The following MACF1 variants were observed in gnomAD, a reference collection of about 807,000 sequenced individuals.
MACF1 encodes microtubule-actin cross-linking factor 1.
Under a neutral mutation model 854.8 loss-of-function variants are expected in MACF1, and 193 were observed. The ratio of observed to expected loss-of-function variants is 0.23; its 90% CI spans 0.20 to 0.25. The LOEUF (loss-of-function observed/expected upper bound fraction) is 0.25. Among genes scored for constraint, MACF1 ranks in the 10% least tolerant of loss-of-function variants. The probability of loss-of-function intolerance (pLI) is 1.00; values close to 1 mark genes in which losing one functional copy is unlikely to be tolerated. For missense variants in MACF1, 7,722 were observed against 8,929.1 expected, an observed-to-expected ratio of 0.86 and a Z score of 5.45; for synonymous variants, 3,185 against 3,226.7, an observed-to-expected ratio of 0.99 and a Z score of 0.44.
intron 2 of MACF1, among the ~76,000 whole-genome samples, chr1:39,176,492 C>T (rs777106181): frequency 6.6e-6 from 1 of 152,144 alleles, no homozygotes; most frequent in Non-Finnish European, 1.5e-5. Context: ...CTTCCACTCT[C>T]CTCCTTTTAG....
intron 20 of MACF1, 127 bp downstream of exon 20, chr1:39,296,009 AAT>A (rs1645892523): frequency 4.0e-6 from 3 of 753,262 alleles, no homozygotes; most frequent in Non-Finnish European, 6.5e-6. Flanking sequence ...TGCTTAAAAC[AAT>A]AGTCATTTAG....
chr1:39,354,844 C>T (rs566324618), intron 44 of MACF1, among the ~76,000 whole-genome samples: 1 of 152,316 alleles, frequency 6.6e-6, no homozygotes, highest in African/African-American at 2.4e-5. Flanking sequence ...GCAGAAGTCA[C>T]TTCTTACTGT....
chr1:39,137,557 A>C (rs1643210175), intron 2 of MACF1, among the ~76,000 whole-genome samples: 1 of 151,918 alleles, frequency 6.6e-6, no homozygotes, highest in South Asian at 2.1e-4. Flanking sequence ...GTAAAGACGA[A>C]GTCTCATTTT....
At chr1:39,466,045 G>A (rs1644661157) in intron 95 of MACF1, among the ~76,000 whole-genome samples, 1 of 152,186 alleles carries the variant, frequency 6.6e-6, no homozygotes, top group Non-Finnish European at 1.5e-5. Context: ...GATCAGGAGA[G>A]GGTCAGATGA....
Position 39,448,937 on chromosome 1 carries a change from C to A in MACF1, c.20258+174C>A, listed in dbSNP as rs559920993. Among the ~76,000 whole-genome samples the A allele has an allele frequency of 1.8e-3, 274 of 152,288 alleles. 1 individual carries two copies. Among genetic ancestry groups the A allele is most frequent in the African/African-American group, 6.3e-3 (262 of 41,568 alleles). On this transcript the variant is annotated intron_variant, in intron 84 of 100. Coordinates refer to ENST00000564288, the MANE Select transcript of MACF1 (RefSeq NM_001394062.1). The stretch of plus-strand genomic sequence containing the variant: ...AATTTAAATAAAATGTGTAAAAATT[C>A]TCATTTTAAACTTGAACCTTATTGT...
intron 58 of MACF1, among the ~76,000 whole-genome samples, chr1:39,402,706 C>T (rs962762435): frequency 2.6e-5 from 4 of 152,250 alleles, no homozygotes; most frequent in Non-Finnish European, 5.9e-5. Context: ...ACACCCATCA[C>T]TGTGCTGAAA....
chr1:39,123,455 G>A (rs1308095458), intron 2 of MACF1, among the ~76,000 whole-genome samples: 5 of 151,638 alleles, frequency 3.3e-5, no homozygotes, highest in African/African-American at 9.7e-5. Context: ...TGATCCACCC[G>A]CCTCGGCATC....
At chr1:39,305,806 G>T (rs1347141040) in intron 23 of MACF1, among the ~76,000 whole-genome samples, 2 of 152,116 alleles carry the variant, frequency 1.3e-5, no homozygotes, top group East Asian at 3.9e-4. Flanking sequence ...TCTTGCCTCA[G>T]GGCCTTTGGA....
At chr1:39,180,291 T>C (rs1373097264) in intron 2 of MACF1, among the ~76,000 whole-genome samples, 1 of 152,078 alleles carries the variant, frequency 6.6e-6, no homozygotes, top group Non-Finnish European at 1.5e-5. Context: ...GATTTATTTT[T>C]CTTAGGGATG....
At position 39,430,794 on chromosome 1, in the gene MACF1, C is replaced by T; in HGVS notation, c.17223C>T (p.Ala5741=). ...TCTTAGAGCTGGTGCCCTGGAGAGC[C>T]AGAGAAGGGCTGGATAAACTTGTGT... ...RALLELVPWR[A]REGLDKLVSD... Residue 5741 remains alanine, a synonymous_variant, in exon 66 of 101, where the codon GCC becomes GCT. Transcript: ENST00000564288. 6.2e-7 allele frequency: 1 copy of T among 1,612,410 alleles called. No homozygotes were observed. Among genetic ancestry groups the T allele is most frequent in the South Asian group, 1.1e-5 (1 of 90,998 alleles).
intron 2 of MACF1, among the ~76,000 whole-genome samples, chr1:39,134,024 G>T (rs1318365736): frequency 2.2e-5 from 3 of 139,408 alleles, no homozygotes; most frequent in African/African-American, 5.2e-5. Context: ...ATTATCATCA[G>T]AAGAACAGTC....
intron 58 of MACF1, among the ~76,000 whole-genome samples, chr1:39,395,217 G>A (rs1196602419): frequency 6.6e-6 from 1 of 152,118 alleles, no homozygotes; most frequent in African/African-American, 2.4e-5. Flanking sequence ...TAACTTCCCA[G>A]TTGTACAACT....
chr1:39,464,450 G>C (rs1372849730), intron 94 of MACF1: 1 of 153,340 alleles, frequency 6.5e-6, no homozygotes, highest in African/African-American at 2.4e-5. Context: ...AGTGCTGGGT[G>C]AATCTGCTTT....
Position 39,347,117 on chromosome 1 carries a change from G to T in MACF1, c.10722G>T (p.Gln3574His). The T allele has an allele frequency of 6.2e-7, 1 of 1,614,088 alleles. No homozygotes were observed. The highest frequency in any genetic ancestry group is 8.5e-7 in the Non-Finnish European group (1 of 1,179,952). ...TGCTGAGGCTTCTGAATGAACTGCA[G>T]AGGTCCTTCCAGGACATTTTGGAAC... ...RQMLRLLNELQRSFQDILEQT... is the reference protein window; with the variant it reads ...RQMLRLLNELHRSFQDILEQT... The change falls in exon 41 of 101, where the codon CAG (glutamine) becomes CAT (histidine). Residue 3574 changes from glutamine (Q) to histidine (H), a missense_variant. Gln to His is a conservative substitution (Grantham distance 24, BLOSUM62 0). Around this residue, in one of 15 missense-constraint regions of MACF1, gnomAD observed 854 missense variants for 852.6 expected, o/e 1.00. Transcript: ENST00000564288.
chr1:39,424,797 C>T (rs188840560), intron 61 of MACF1, among the ~76,000 whole-genome samples: 1 of 152,274 alleles, frequency 6.6e-6, no homozygotes, highest in East Asian at 1.9e-4. Context: ...ACATAGATGT[C>T]TTTACTTTTA....
At chr1:39,085,369 T>A (rs570107662) in intron 2 of MACF1, among the ~76,000 whole-genome samples, 17 of 152,314 alleles carry the variant, frequency 1.1e-4, no homozygotes, top group African/African-American at 3.6e-4. Flanking sequence ...GGTGTTACAG[T>A]ACGGATAGGA....
Position 39,350,967 on chromosome 1 carries a change from G to A in MACF1, c.11148G>A (p.Gln3716=). Residue 3716 remains glutamine (Q), a synonymous_variant, in exon 43 of 101, where the codon CAG becomes CAA. Transcript: ENST00000564288. ...EALQEETRVA[Q]KELEEAVTSA... ...TCCAGGAAGAGACACGTGTGGCCCAGAAGGAACTGGAGGAAGCAGTGACCT... is the reference window on the plus strand; with the variant it reads ...TCCAGGAAGAGACACGTGTGGCCCAAAAGGAACTGGAGGAAGCAGTGACCT... The A allele has an allele frequency of 6.2e-7, 1 of 1,614,136 alleles. No homozygotes were observed. The highest frequency in any genetic ancestry group is 8.5e-7 in the Non-Finnish European group (1 of 1,179,998).
intron 49 of MACF1, among the ~76,000 whole-genome samples, chr1:39,363,278 A>C (rs1359779832): frequency 6.6e-6 from 1 of 152,232 alleles, no homozygotes; most frequent in African/African-American, 2.4e-5. Flanking sequence ...TCAAAAAGTT[A>C]TACTCAAGGT....
intron 2 of MACF1, among the ~76,000 whole-genome samples, chr1:39,110,430 G>A (rs1345932037): frequency 6.6e-6 from 1 of 151,862 alleles, no homozygotes; most frequent in Non-Finnish European, 1.5e-5. Flanking sequence ...AAGAGAAAAG[G>A]TCTCACTATG....
Sources: allele counts gnomAD v4.1 joint callset (sites outside exome capture counted in the v4.1 genomes callset), GRCh38; gene constraint gnomAD v4.1.1; regional missense constraint gnomAD v4.1.1; transcripts MANE v1.5; gene names NCBI Gene and HGNC (gene_info 2026-07-23, HGNC 2026-07-21).